EZH2: variants seen among roughly 807,000 people sequenced by gnomAD.
EZH2 encodes enhancer of zeste 2 polycomb repressive complex 2 subunit, also known as histone-lysine N-methyltransferase EZH2.
In EZH2, 18 loss-of-function variants were observed where a neutral mutation model predicts 98.4. That is an observed-to-expected ratio of 0.18 (90% CI 0.13 to 0.27). The LOEUF is 0.27. Among genes scored for constraint, EZH2 ranks in the 10% least tolerant of loss-of-function variants. The pLI is 1.00. For synonymous variants in EZH2, 338 were observed against 312.3 expected (o/e 1.08, Z -0.87); for missense variants, 470 against 935.1 (o/e 0.50, Z 6.49).
chr7:148,850,704 C>A (rs551196302), intron 1 of EZH2, among the ~76,000 whole-genome samples: 1 of 152,266 alleles, frequency 6.6e-6, no homozygotes, highest in Admixed American at 6.5e-5. Context: ...AATCCCAGAG[C>A]CTGTGTGTGC....
At chr7:148,832,512 G>GT (rs761486100) in intron 4 of EZH2, 122 bp downstream of exon 4, 14 of 603,554 alleles carry the variant, frequency 2.3e-5, no homozygotes, top group African/African-American at 3.6e-5. Flanking sequence ...TACTTCAAGT[G>GT]TTATTTTGAT....
chr7:148,807,627 G>C lies in EZH2; in HGVS notation c.*19C>G, dbSNP rs752038271. The C allele has an allele frequency of 4.4e-6, 7 of 1,586,070 alleles. No homozygotes were observed. In the South Asian group the frequency reaches 5.7e-5, roughly 13 times the overall value. Reference sequence around the variant, plus strand: ...GCTAAGGCAGCTGTTTCAGAGGAGGGGGGAGGAGGTAGCAGATGTCAAGGG... The same window carrying C: ...GCTAAGGCAGCTGTTTCAGAGGAGGCGGGAGGAGGTAGCAGATGTCAAGGG... On this transcript the variant is annotated 3_prime_UTR_variant, in exon 20 of 20. Transcript: ENST00000320356.
chr7:148,815,901 G>A (rs17171116), intron 12 of EZH2, among the ~76,000 whole-genome samples: 1,646 of 152,284 alleles, frequency 0.011, 27 homozygotes, highest in African/African-American at 0.038. Flanking sequence ...CCAAGCAAGT[G>A]AACTACGTGG....
chr7:148,864,817 GA>G (rs2129489317), intron 1 of EZH2, among the ~76,000 whole-genome samples: 1 of 152,028 alleles, frequency 6.6e-6, no homozygotes, highest in East Asian at 1.9e-4. Context: ...ACTGTTGGAG[GA>G]AAAACGGAAA....
chr7:148,835,183 G>A (rs897905119), intron 3 of EZH2, among the ~76,000 whole-genome samples: 1 of 152,168 alleles, frequency 6.6e-6, no homozygotes, highest in Non-Finnish European at 1.5e-5. Flanking sequence ...ACTTTGGCAG[G>A]CCAAGACGGG....
chr7:148,846,720 G>T, intron 2 of EZH2, 122 bp from the exon 3 acceptor site: 1 of 843,332 alleles, frequency 1.2e-6, no homozygotes. Context: ...ATTTTCTTAG[G>T]TGCATATAGA....
At chr7:148,829,928 C>A in intron 4 of EZH2, 80 bp from the exon 5 acceptor site, 1 of 1,028,362 alleles carries the variant, frequency 9.7e-7, no homozygotes, top group Non-Finnish European at 1.4e-6. Context: ...ACCTTTTTTT[C>A]ATGTGTACAT....
intron 5 of EZH2, among the ~76,000 whole-genome samples, chr7:148,829,429 A>C (rs1808681470): frequency 6.6e-6 from 1 of 152,284 alleles, no homozygotes; most frequent in Non-Finnish European, 1.5e-5. Flanking sequence ...TTACTACTAA[A>C]GAATCTTAAA....
At chr7:148,866,563 C>CAT (rs56120446) in intron 1 of EZH2, among the ~76,000 whole-genome samples, 1 of 122,796 alleles carries the variant, frequency 8.1e-6, no homozygotes, top group Non-Finnish European at 1.7e-5. Flanking sequence ...TACATATATA[C>CAT]ATATATATAC....
At chr7:148,852,599 T>C (rs1293844168) in intron 1 of EZH2, among the ~76,000 whole-genome samples, 2 of 152,166 alleles carry the variant, frequency 1.3e-5, no homozygotes, top group Non-Finnish European at 2.9e-5. Flanking sequence ...CTTCTCCCCT[T>C]AGGTCTAAAC....
intron 14 of EZH2, 43 bp downstream of exon 14, chr7:148,814,871 T>C: frequency 3.8e-6 from 6 of 1,591,788 alleles, no homozygotes; most frequent in Non-Finnish European, 5.1e-6. Context: ...ACCAAAGACC[T>C]ATTTAGTTCT....
chr7:148,853,563 C>T (rs1297322424), intron 1 of EZH2, among the ~76,000 whole-genome samples: 1 of 152,224 alleles, frequency 6.6e-6, no homozygotes, highest in Non-Finnish European at 1.5e-5. Flanking sequence ...AGCCCAGTTC[C>T]TAACGGGCCA....
At chr7:148,839,998 T>C (rs1305031636) in intron 3 of EZH2, among the ~76,000 whole-genome samples, 1 of 152,192 alleles carries the variant, frequency 6.6e-6, no homozygotes, top group Admixed American at 6.5e-5. Flanking sequence ...AGACACGGTA[T>C]AACCAATTCT....
chr7:148,846,475 T>G lies in EZH2; in HGVS notation c.241A>C (p.Arg81=), dbSNP rs765980265. ...LTSVSSLRGT[R]ECSVTSDLDF... ...AACATGTTATGTTAACCAACCTCCC[T>G]AGTCCCGCGCAATGAGCTCACAGAA... The change falls in exon 3 of 20, where the codon AGG becomes CGG. Residue 81 remains arginine (R), a synonymous_variant. Coordinates refer to ENST00000320356, the MANE Select transcript of EZH2 (RefSeq NM_004456.5). The G allele has an allele frequency of 6.2e-7, 1 of 1,613,132 alleles. No individual in the cohort carries two copies. Among genetic ancestry groups the G allele is most frequent in the Non-Finnish European group, 8.5e-7 (1 of 1,179,632 alleles).
At chr7:148,876,683 A>ACC (rs1032611065) in intron 1 of EZH2, among the ~76,000 whole-genome samples, 6 of 152,024 alleles carry the variant, frequency 3.9e-5, no homozygotes, top group Non-Finnish European at 8.8e-5. Flanking sequence ...AATACTATGC[A>ACC]CCCCCCTTAC....
At chr7:148,821,937 A>T (rs976634458) in intron 8 of EZH2, among the ~76,000 whole-genome samples, 1 of 152,218 alleles carries the variant, frequency 6.6e-6, no homozygotes, top group African/African-American at 2.4e-5. Flanking sequence ...GAATAGACTA[A>T]AGGAACACAA....
At chr7:148,883,660 T>G (rs1821363184) in intron 1 of EZH2, among the ~76,000 whole-genome samples, 2 of 150,570 alleles carry the variant, frequency 1.3e-5, no homozygotes, top group South Asian at 4.2e-4. Context: ...TCATGCCCCT[T>G]CCCCTCGCGC....
At chr7:148,833,108 C>G (rs1032016220) in intron 3 of EZH2, among the ~76,000 whole-genome samples, 1 of 152,172 alleles carries the variant, frequency 6.6e-6, no homozygotes, top group Non-Finnish European at 1.5e-5. Flanking sequence ...ACATTCCAAC[C>G]ACACAGAATA....
intron 1 of EZH2, chr7:148,850,381 T>A: frequency 2.0e-6 from 1 of 505,334 alleles, no homozygotes; most frequent in Non-Finnish European, 2.6e-6. Flanking sequence ...GCATTTTATG[T>A]TTTAGTACTA....
Sources: allele counts gnomAD v4.1 joint callset (sites outside exome capture counted in the v4.1 genomes callset), GRCh38; gene constraint gnomAD v4.1.1; transcripts MANE v1.5; gene names NCBI Gene and HGNC (gene_info 2026-07-23, HGNC 2026-07-21).